CSMD1: variants seen among roughly 807,000 people sequenced by gnomAD.
CSMD1 encodes CUB and Sushi multiple domains 1.
CSMD1 carries 213 observed loss-of-function variants against 417.5 expected under a neutral mutation model. That is an observed-to-expected ratio of 0.51 (90% CI 0.46 to 0.57). The LOEUF (loss-of-function observed/expected upper bound fraction) is 0.57, where lower values mean the gene tolerates loss of function less well. CSMD1 is among the 20% of genes least tolerant of loss of function. CSMD1 has a pLI of 0.00. For synonymous variants in CSMD1, 2,862 were observed against 1,736.8 expected (o/e 1.65, Z -16.11); for missense variants, 6,923 against 4,529.7 (o/e 1.53, Z -15.17).
intron 1 of CSMD1, among the ~76,000 whole-genome samples, chr8:4,665,815 A>C (rs1487239798): frequency 6.6e-6 from 1 of 152,144 alleles, no homozygotes; most frequent in East Asian, 1.9e-4. Context: ...GTTGCTGTAA[A>C]TATTTATGTA....
chr8:2,984,201 C>T (rs979430162), intron 54 of CSMD1, among the ~76,000 whole-genome samples: 2 of 152,176 alleles, frequency 1.3e-5, no homozygotes, highest in Non-Finnish European at 2.9e-5. Flanking sequence ...TCACAGGAAA[C>T]GTCTGATCCA....
At chr8:4,901,881 C>T (rs1200458446) in intron 1 of CSMD1, among the ~76,000 whole-genome samples, 5 of 151,998 alleles carry the variant, frequency 3.3e-5, no homozygotes, top group African/African-American at 1.2e-4. Context: ...TTCCCACCAG[C>T]CAAAAGGACA....
At chr8:4,368,211 G>A (rs1430520881) in intron 3 of CSMD1, among the ~76,000 whole-genome samples, 1 of 152,118 alleles carries the variant, frequency 6.6e-6, no homozygotes, top group South Asian at 2.1e-4. Context: ...AATGTGTGCT[G>A]AATTTATCAG....
chr8:4,649,017 T>C (rs1227689497), intron 1 of CSMD1, among the ~76,000 whole-genome samples: 1 of 152,208 alleles, frequency 6.6e-6, no homozygotes, highest in African/African-American at 2.4e-5. Context: ...ACTGCGGTTA[T>C]ATATTCTCTT....
At chr8:3,398,154 C>T (rs111759009) in intron 16 of CSMD1, among the ~76,000 whole-genome samples, 2 of 152,140 alleles carry the variant, frequency 1.3e-5, no homozygotes, top group Non-Finnish European at 2.9e-5. Flanking sequence ...AATATAGGAT[C>T]ACTACTTTTA....
At chr8:3,497,549 G>A (rs1282778291) in intron 10 of CSMD1, among the ~76,000 whole-genome samples, 2 of 151,998 alleles carry the variant, frequency 1.3e-5, no homozygotes, top group Admixed American at 6.6e-5. Flanking sequence ...GGATTACAGG[G>A]TCAATATACC....
chr8:3,357,420 C>G (rs1184083499), intron 21 of CSMD1, among the ~76,000 whole-genome samples: 1 of 152,298 alleles, frequency 6.6e-6, no homozygotes, highest in Non-Finnish European at 1.5e-5. Context: ...GGACTAAACA[C>G]GTTATTACAT....
chr8:4,641,376 A>T (rs1267179357), intron 1 of CSMD1, among the ~76,000 whole-genome samples: 1 of 152,124 alleles, frequency 6.6e-6, no homozygotes. Context: ...TTTTTTGCAG[A>T]TTTCTACTCC....
intron 1 of CSMD1, among the ~76,000 whole-genome samples, chr8:4,669,476 C>A (rs1805157126): frequency 6.6e-6 from 1 of 152,158 alleles, no homozygotes; most frequent in Non-Finnish European, 1.5e-5. Flanking sequence ...AGGATGTGGA[C>A]AACCGTATCT....
intron 11 of CSMD1, among the ~76,000 whole-genome samples, chr8:3,473,849 C>T (rs1817247731): frequency 6.6e-6 from 1 of 152,052 alleles, no homozygotes; most frequent in African/African-American, 2.4e-5. Flanking sequence ...CTCGTATTTC[C>T]ACATGGCTTG....
At chr8:4,619,771 G>T (rs990884408) in intron 2 of CSMD1, among the ~76,000 whole-genome samples, 3 of 152,056 alleles carry the variant, frequency 2.0e-5, no homozygotes, top group Admixed American at 6.6e-5. Context: ...AACCAGGCAT[G>T]TCCTCACAAT....
At chr8:4,292,229 A>T (rs191141821) in intron 3 of CSMD1, among the ~76,000 whole-genome samples, 1 of 152,064 alleles carries the variant, frequency 6.6e-6, no homozygotes, top group Admixed American at 6.6e-5. Context: ...CTTTCCAAAG[A>T]ATTTTGTTGT....
At chr8:4,223,324 A>T (rs1373016739) in intron 3 of CSMD1, among the ~76,000 whole-genome samples, 1 of 152,250 alleles carries the variant, frequency 6.6e-6, no homozygotes, top group Non-Finnish European at 1.5e-5. Flanking sequence ...GACTCTGAAG[A>T]ACACTGTTGT....
At chr8:3,251,497 T>A (rs1263953151) in intron 26 of CSMD1, among the ~76,000 whole-genome samples, 1 of 152,200 alleles carries the variant, frequency 6.6e-6, no homozygotes, top group South Asian at 2.1e-4. Flanking sequence ...TCAGGTAGCA[T>A]GATGCCTCCA....
chr8:3,803,615 G>C (rs1228083781), intron 5 of CSMD1, among the ~76,000 whole-genome samples: 3 of 152,156 alleles, frequency 2.0e-5, no homozygotes, highest in Non-Finnish European at 2.9e-5. Context: ...GTCTGCAGTG[G>C]ACTCAGAACA....
chr8:4,074,705 G>C (rs1039243006), intron 3 of CSMD1, among the ~76,000 whole-genome samples: 2 of 151,770 alleles, frequency 1.3e-5, no homozygotes, highest in Non-Finnish European at 2.9e-5. Flanking sequence ...ATGACATTGA[G>C]ATTCCAGACC....
chr8:3,746,946 G>T (rs934555956), intron 6 of CSMD1, among the ~76,000 whole-genome samples: 2 of 152,176 alleles, frequency 1.3e-5, no homozygotes, highest in Admixed American at 6.5e-5. Context: ...CCTGGAACAG[G>T]CCAGTCTGAG....
intron 1 of CSMD1, among the ~76,000 whole-genome samples, chr8:4,646,226 T>C (rs555443066): frequency 1.3e-5 from 2 of 152,206 alleles, no homozygotes; most frequent in East Asian, 1.9e-4. Context: ...CTAATCTTTT[T>C]ATTATATTTA....
chr8:3,641,339 A>G (rs892088014), intron 7 of CSMD1, among the ~76,000 whole-genome samples: 2 of 152,046 alleles, frequency 1.3e-5, no homozygotes, highest in Non-Finnish European at 2.9e-5. Context: ...GGAACCAACA[A>G]TCCCCAAGTG....
Sources: allele counts gnomAD v4.1 joint callset (sites outside exome capture counted in the v4.1 genomes callset), GRCh38; gene constraint gnomAD v4.1.1; transcripts MANE v1.5; gene names NCBI Gene and HGNC (gene_info 2026-07-23, HGNC 2026-07-21).